The following CACNA1C variants were observed in gnomAD, a reference collection of about 807,000 sequenced individuals.
CACNA1C encodes voltage-dependent L-type calcium channel subunit alpha-1C.
A neutral mutation model predicts 229.0 loss-of-function variants in CACNA1C; 30 were observed. That is an observed-to-expected ratio of 0.13 (90% CI 0.10 to 0.18). CACNA1C has a LOEUF of 0.18. Ranked by LOEUF, CACNA1C falls within the 10% of genes least tolerant of loss-of-function variation. CACNA1C has a pLI of 1.00. For synonymous variants in CACNA1C, 1,114 were observed against 1,132.5 expected, an observed-to-expected ratio of 0.98 and a Z score of 0.33; for missense variants, 1,658 against 2,845.0, an observed-to-expected ratio of 0.58 and a Z score of 9.49.
intron 3 of CACNA1C, among the ~76,000 whole-genome samples, chr12:2,430,577 G>A (rs116416685): frequency 0.012 from 1,463 of 123,036 alleles, 22 homozygotes; most frequent in African/African-American, 0.047. Context: ...GGAGGTGGTG[G>A]GGGGGTCCGA....
chr12:2,046,492 A>G (rs2051072519), intron 1 of CACNA1C, among the ~76,000 whole-genome samples: 1 of 152,168 alleles, frequency 6.6e-6, no homozygotes, highest in Non-Finnish European at 1.5e-5. Flanking sequence ...AGCATGCACC[A>G]CTGGCTTGCT....
In CACNA1C at chr12:2,263,250, G is replaced by T. The variant is rs138519290; in HGVS notation, c.477+142820G>T. 2.6e-5 allele frequency among the ~76,000 whole-genome samples: 4 copies of T among 151,936 alleles called. No individual in the cohort carries two copies. In the East Asian group the frequency reaches 7.7e-4, roughly 29 times the overall value. On this transcript the variant is annotated intron_variant, in intron 3 of 46. Transcript: ENST00000399655. Reference sequence around the variant, plus strand: ...TGCCCAGCGTGTCTGGGAGCAGGAGGGCCAGGTGCGGAGGCCCTCAGGTGG... The same window carrying T: ...TGCCCAGCGTGTCTGGGAGCAGGAGTGCCAGGTGCGGAGGCCCTCAGGTGG...
chr12:2,606,549 T>C, intron 24 of CACNA1C, 62 bp from the exon 25 acceptor site: 2 of 1,366,008 alleles, frequency 1.5e-6, no homozygotes, highest in South Asian at 1.2e-5. Context: ...TGCTCACTAA[T>C]TGCTTTTGGA....
At chr12:2,547,113 CAG>C (rs1013342490) in intron 9 of CACNA1C, among the ~76,000 whole-genome samples, 4 of 152,200 alleles carry the variant, frequency 2.6e-5, no homozygotes, top group African/African-American at 7.2e-5. Context: ...ATGGAAACAA[CAG>C]GGATGAGTGG....
chr12:1,993,814 C>G (rs918640573), intron 1 of CACNA1C, among the ~76,000 whole-genome samples: 3 of 151,960 alleles, frequency 2.0e-5, no homozygotes, highest in African/African-American at 4.8e-5. Flanking sequence ...TTAGAGTGTA[C>G]ATCACAATTA....
intron 3 of CACNA1C, among the ~76,000 whole-genome samples, chr12:2,148,958 AT>A (rs1024187988): frequency 6.6e-6 from 1 of 151,820 alleles, no homozygotes; most frequent in Non-Finnish European, 1.5e-5. Context: ...CTAACAGTTT[AT>A]TTTTTTGACT....
rs569028699 is a variant in CACNA1C, at chr12:2,310,348, A to T, written c.478-138628A>T. 9.9e-3 allele frequency among the ~76,000 whole-genome samples: 1,343 copies of T among 135,204 alleles called. 20 individuals carry two copies. Among genetic ancestry groups the T allele is most frequent in the African/African-American group, 0.038 (1,260 of 33,342 alleles). The allele number at this position is 135,204 out of a possible 152,430, so 88.7% of individuals were successfully genotyped here. A position where few individuals can be genotyped will look rare whatever the true frequency, so the allele number is the denominator to read the frequency against. On this transcript the variant is annotated intron_variant, in intron 3 of 46. Transcript: ENST00000399655. Reference sequence around the variant, plus strand: ...CTGTCCTCTGCCTCCCAGTTAAAAAAAAAAATATATATATATATATATATG... The same window carrying T: ...CTGTCCTCTGCCTCCCAGTTAAAAATAAAAATATATATATATATATATATG...
intron 1 of CACNA1C, among the ~76,000 whole-genome samples, chr12:2,061,541 CACT>C (rs2057496716): frequency 2.3e-5 from 1 of 43,844 alleles, no homozygotes; most frequent in African/African-American, 3.5e-4. Context: ...GAGCCATGTG[CACT>C]GCTGGCACTG....
intron 29 of CACNA1C, among the ~76,000 whole-genome samples, chr12:2,631,493 G>A (rs901589369): frequency 6.6e-6 from 1 of 152,200 alleles, no homozygotes; most frequent in Admixed American, 6.5e-5. Context: ...ATGCATAGCT[G>A]TAGTTCATCT....
chr12:2,367,580 AAAAC>A (rs1417169592), intron 3 of CACNA1C, among the ~76,000 whole-genome samples: 5 of 152,360 alleles, frequency 3.3e-5, no homozygotes, highest in South Asian at 4.1e-4. Context: ...AGGAGACACT[AAAAC>A]AAAGTGTTGC....
At chr12:2,627,266 C>T (rs2087282497) in intron 29 of CACNA1C, among the ~76,000 whole-genome samples, 1 of 152,180 alleles carries the variant, frequency 6.6e-6, no homozygotes, top group Non-Finnish European at 1.5e-5. Flanking sequence ...CCAGTTATGC[C>T]TTCTCCATTA....
At chr12:2,182,196 A>G (rs536470008) in intron 3 of CACNA1C, among the ~76,000 whole-genome samples, 1 of 152,150 alleles carries the variant, frequency 6.6e-6, no homozygotes, top group African/African-American at 2.4e-5. Flanking sequence ...TTCTTCAGTA[A>G]TATTCAAGCA....
intron 3 of CACNA1C, among the ~76,000 whole-genome samples, chr12:2,340,818 G>A (rs527790272): frequency 7.2e-5 from 11 of 152,236 alleles, no homozygotes; most frequent in African/African-American, 1.4e-4. Flanking sequence ...TTAGCCGGGC[G>A]TGGTGGCGGG....
intron 1 of CACNA1C, chr12:2,004,519 A>G: frequency 6.7e-7 from 1 of 1,501,398 alleles, no homozygotes; most frequent in Non-Finnish European, 8.9e-7. Context: ...GCAACCGAGA[A>G]CCCACGGCGA....
At chr12:2,087,884 G>A (rs373917909) in intron 1 of CACNA1C, among the ~76,000 whole-genome samples, 1 of 152,208 alleles carries the variant, frequency 6.6e-6, no homozygotes, top group East Asian at 1.9e-4. Flanking sequence ...TTGTCTCTGG[G>A]TAATGGTTCC....
At chr12:2,310,992 G>A (rs2095409531) in intron 3 of CACNA1C, among the ~76,000 whole-genome samples, 1 of 152,170 alleles carries the variant, frequency 6.6e-6, no homozygotes, top group Admixed American at 6.5e-5. Context: ...CTGGTCATCC[G>A]TGTAGCATCT....
At chr12:2,545,182 A>G (rs2099878805) in intron 9 of CACNA1C, among the ~76,000 whole-genome samples, 1 of 151,406 alleles carries the variant, frequency 6.6e-6, no homozygotes, top group African/African-American at 2.4e-5. Flanking sequence ...TGTTGAGTAC[A>G]ATAAGAGAAG....
chr12:2,242,830 T>G (rs576753720), intron 3 of CACNA1C, among the ~76,000 whole-genome samples: 2 of 152,324 alleles, frequency 1.3e-5, no homozygotes, highest in Admixed American at 1.3e-4. Flanking sequence ...TGGCTTGTAG[T>G]TTCAAAGTGC....
At chr12:2,388,192 T>C (rs982264988) in intron 3 of CACNA1C, among the ~76,000 whole-genome samples, 7 of 152,072 alleles carry the variant, frequency 4.6e-5, no homozygotes, top group African/African-American at 1.7e-4. Context: ...GTAAAATGAG[T>C]AAGTTCTAGA....
Sources: allele counts gnomAD v4.1 joint callset (sites outside exome capture counted in the v4.1 genomes callset), GRCh38; gene constraint gnomAD v4.1.1; transcripts MANE v1.5; gene names NCBI Gene and HGNC (gene_info 2026-07-23, HGNC 2026-07-21).